THEM5: variants seen among roughly 807,000 people sequenced by gnomAD.
The protein encoded by THEM5 is acyl-coenzyme A thioesterase THEM5.
Under a neutral mutation model 24.2 loss-of-function variants are expected in THEM5, and 28 were observed. That is an observed-to-expected ratio of 1.16 (90% CI 0.86 to 1.59). The LOEUF (loss-of-function observed/expected upper bound fraction) is 1.59. Among genes scored for constraint, THEM5 ranks in the 40% most tolerant of loss-of-function variants. The pLI, the probability that THEM5 is intolerant of heterozygous loss-of-function variation, is 0.00. For synonymous variants in THEM5, 87 were observed against 114.5 expected (o/e 0.76, Z 1.53); for missense variants, 260 against 296.8 (o/e 0.88, Z 0.91).
intron 4 of THEM5, 65 bp downstream of exon 4, chr1:151,848,117 G>A: frequency 1.3e-6 from 2 of 1,545,450 alleles, no homozygotes. Flanking sequence ...AGCTGCCGAG[G>A]ATGGCCACTT....
At position 151,851,046 on chromosome 1, in the gene THEM5, A is replaced by G; in HGVS notation, c.464+7T>C. ...GGAGGCAGCCAAGGTCCTACCAGTG[A>G]CCTTACCCTGGGGGCCCCTCCAGGT... On this transcript the variant is annotated splice_region_variant and intron_variant, in intron 3 of 5. Transcript: ENST00000368817. The G allele has an allele frequency of 1.2e-6, 2 of 1,613,994 alleles. No individual in the cohort carries two copies. The highest frequency in any genetic ancestry group is 3.3e-5 in the Admixed American group (2 of 59,996).
intron 3 of THEM5, 84 bp downstream of exon 3, chr1:151,850,969 A>G: frequency 6.5e-7 from 1 of 1,533,660 alleles, no homozygotes; most frequent in Non-Finnish European, 8.8e-7. Flanking sequence ...AAAGATAGAG[A>G]CTCCAGGGCC....
chr1:151,853,091 C>T (rs1329727649), intron 1 of THEM5, among the ~76,000 whole-genome samples: 1 of 152,228 alleles, frequency 6.6e-6, no homozygotes, highest in African/African-American at 2.4e-5. Flanking sequence ...GTCACCTGCT[C>T]ATACACCAGT....
chr1:151,847,677 T>G, intron 5 of THEM5, 61 bp downstream of exon 5: 2 of 1,592,130 alleles, frequency 1.3e-6, no homozygotes, highest in Non-Finnish European at 1.7e-6. Context: ...CTTCCTCCTG[T>G]TTGTTCTGGG....
chr1:151,852,746 A>G (rs1257186924), intron 1 of THEM5, among the ~76,000 whole-genome samples: 9 of 152,218 alleles, frequency 5.9e-5, no homozygotes, highest in Admixed American at 5.9e-4. Context: ...TGCTTAAAAC[A>G]TGTGAGCAGT....
In THEM5 at chr1:151,852,377, A is replaced by G. The variant is rs1371834537; in HGVS notation, c.206T>C (p.Leu69Pro). 1.2e-6 allele frequency: 2 copies of G among 1,614,040 alleles called. No homozygotes were observed. Among genetic ancestry groups the G allele is most frequent in the African/African-American group, 2.7e-5 (2 of 74,920 alleles). The change falls in exon 2 of 6, where the codon CTG becomes CCG. Residue 69 changes from leucine (L) to proline (P), a missense_variant. Transcript: ENST00000368817. ...NASWCSDMLSLYQEFLEKTKS... is the reference protein window; with the variant it reads ...NASWCSDMLSPYQEFLEKTKS... ...AGTCTTCTCCAGAAATTCTTGGTAC[A>G]GGCTCAGCATGTCCGAACACCAGCT...
intron 1 of THEM5, among the ~76,000 whole-genome samples, chr1:151,852,959 G>A (rs1236996335): frequency 6.6e-6 from 1 of 152,248 alleles, no homozygotes; most frequent in Non-Finnish European, 1.5e-5. Context: ...GCCCACTGCT[G>A]TGGGCCTGCC....
At chr1:151,848,066 G>T in intron 4 of THEM5, 116 bp downstream of exon 4, 3 of 1,419,850 alleles carry the variant, frequency 2.1e-6, no homozygotes, top group Non-Finnish European at 2.9e-6. Flanking sequence ...GCTTGGGAGT[G>T]GGCTGGGGAA....
intron 3 of THEM5, chr1:151,850,300 G>A (rs1315313079): frequency 6.6e-6 from 1 of 152,276 alleles, no homozygotes; most frequent in African/African-American, 2.4e-5. Flanking sequence ...AGAGAAGGGG[G>A]ACAACCATGA....
At chr1:151,852,179 C>T (rs1055684775) in intron 2 of THEM5, 79 bp downstream of exon 2, 75 of 1,377,896 alleles carry the variant, frequency 5.4e-5, no homozygotes, top group Admixed American at 3.4e-4. Context: ...AACTGGAAGG[C>T]GGTCTGTGAA....
At chr1:151,848,483 C>T (rs1000851200) in intron 3 of THEM5, among the ~76,000 whole-genome samples, 191 bp from the exon 4 acceptor site, 10 of 152,362 alleles carry the variant, frequency 6.6e-5, no homozygotes, top group African/African-American at 4.8e-5. Context: ...TGATCAAACC[C>T]GTCAAAATCA....
At position 151,852,463 on chromosome 1, in the gene THEM5, G is replaced by A. The variant is rs1159986413; in HGVS notation, c.124-4C>T. 2 of 1,614,112 alleles carry A rather than the reference G, an allele frequency of 1.2e-6. No individual in the cohort carries two copies. On this transcript the variant is annotated splice_region_variant and splice_polypyrimidine_tract_variant and intron_variant, in intron 1 of 5. Transcript: ENST00000368817. Reference sequence around the variant, plus strand: ...TCTCTGGCAAGAATCTTGAGAACTGGGCAGGAAAAATCAGAATGACTAGAC... The same window carrying A: ...TCTCTGGCAAGAATCTTGAGAACTGAGCAGGAAAAATCAGAATGACTAGAC...
chr1:151,853,170 C>G (rs1255856134), intron 1 of THEM5, among the ~76,000 whole-genome samples: 1 of 152,226 alleles, frequency 6.6e-6, no homozygotes, highest in African/African-American at 2.4e-5. Flanking sequence ...GGGGATACCC[C>G]AGCTTTGCTG....
In THEM5 at chr1:151,851,137, A is replaced by G; in HGVS notation, c.380T>C (p.Phe127Ser). The change falls in exon 3 of 6, where the codon TTT (phenylalanine) becomes TCT (serine). Residue 127 changes from phenylalanine to serine, a missense_variant. Transcript: ENST00000368817. ...TRCIQVEGQGFEYVIFFQPTQ... is the reference protein window; with the variant it reads ...TRCIQVEGQGSEYVIFFQPTQ... Reference sequence around the variant, plus strand: ...TGGCTGGAAAAAGATGACATACTCAAAGCCTTGTCCTTCCACTTGGATGCA... The same window carrying G: ...TGGCTGGAAAAAGATGACATACTCAGAGCCTTGTCCTTCCACTTGGATGCA... 1 of 1,614,202 alleles carries G rather than the reference A, an allele frequency of 6.2e-7. No individual in the cohort carries two copies. Among genetic ancestry groups the G allele is most frequent in the Non-Finnish European group, 8.5e-7 (1 of 1,180,034 alleles).
At chr1:151,851,830 G>A (rs1486917078) in intron 2 of THEM5, among the ~76,000 whole-genome samples, 1 of 152,150 alleles carries the variant, frequency 6.6e-6, no homozygotes, top group Non-Finnish European at 1.5e-5. Flanking sequence ...GGATCATTAG[G>A]TGTTTCAGGA....
rs191259535 is a variant in THEM5 at position 151,851,983 on chromosome 1, G to A, written c.325+275C>T. 3.0e-3 allele frequency among the ~76,000 whole-genome samples: 464 copies of A among 152,266 alleles called. 1 individual carries two copies. The highest frequency in any genetic ancestry group is 0.011 in the African/African-American group (445 of 41,558). On this transcript the variant is annotated intron_variant, in intron 2 of 5. Transcript: ENST00000368817. The stretch of plus-strand genomic sequence containing the variant: ...AGGGAGGGGCAGTCAGTGAGAAGTC[G>A]GGGCAGGAGCTGGGCTGGCTGTCCT...
At chr1:151,852,005 T>G (rs746479879) in intron 2 of THEM5, among the ~76,000 whole-genome samples, 14 of 152,008 alleles carry the variant, frequency 9.2e-5, no homozygotes, top group Non-Finnish European at 2.1e-4. Context: ...GGGCTGGCTG[T>G]CCTCCAGTGG....
At chr1:151,852,592 A>G (rs1653160186) in intron 1 of THEM5, 133 bp from the exon 2 acceptor site, 2 of 835,544 alleles carry the variant, frequency 2.4e-6, no homozygotes, top group Admixed American at 2.3e-5. Flanking sequence ...GATCCAAGGG[A>G]AAGGGCCCAT....
intron 5 of THEM5, 82 bp downstream of exon 5, chr1:151,847,656 T>A (rs902871454): frequency 7.4e-5 from 111 of 1,502,800 alleles, no homozygotes; most frequent in Non-Finnish European, 9.8e-5. Context: ...GATGAATCAT[T>A]GGCATCTTTT....
Sources: allele counts gnomAD v4.1 joint callset (sites outside exome capture counted in the v4.1 genomes callset), GRCh38; gene constraint gnomAD v4.1.1; transcripts MANE v1.5; gene names NCBI Gene and HGNC (gene_info 2026-07-23, HGNC 2026-07-21).